The following ATG13 variants were observed in gnomAD, a reference collection of about 807,000 sequenced individuals.
ATG13 encodes autophagy-related protein 13.
ATG13 carries 23 observed loss-of-function variants against 65.5 expected under a neutral mutation model. That is an observed-to-expected ratio of 0.35 (90% CI 0.25 to 0.50). The LOEUF is 0.50. Among genes scored for constraint, ATG13 ranks in the 20% least tolerant of loss-of-function variants. The pLI is 0.98. For missense variants in ATG13, 566 were observed against 677.0 expected, an observed-to-expected ratio of 0.84 and a Z score of 1.82; for synonymous variants, 252 against 245.2, an observed-to-expected ratio of 1.03 and a Z score of -0.26.
intron 5 of ATG13, among the ~76,000 whole-genome samples, chr11:46,647,817 C>A (rs961366085): frequency 1.3e-5 from 2 of 149,722 alleles, no homozygotes; most frequent in African/African-American, 4.9e-5. Flanking sequence ...CTGCTTATAG[C>A]TCACTGCAGC....
chr11:46,666,042 A>G (rs1049086324), intron 14 of ATG13, among the ~76,000 whole-genome samples: 2 of 152,070 alleles, frequency 1.3e-5, no homozygotes, highest in African/African-American at 4.8e-5. Context: ...CCTGGCTTCC[A>G]GTGATCCTCC....
rs1183207422 is a variant in ATG13, at chr11:46,672,275, G to A, written c.1596G>A (p.Leu532=). The A allele has an allele frequency of 6.2e-7, 1 of 1,614,118 alleles. No individual in the cohort carries two copies. The highest frequency in any genetic ancestry group is 2.2e-5 in the East Asian group (1 of 44,898). Residue 532 remains leucine (L), a synonymous_variant, in exon 19 of 19, where the codon CTG becomes CTA. Coordinates refer to ENST00000683050, the MANE Select transcript of ATG13 (RefSeq NM_001346311.2). ...TACAGGACTCATTACCAGAGAAGCT[G>A]GCTGTGCATGAGAAGAATGTCCGCG... ...AEDLDSLPEK[L]AVHEKNVREF...
chr11:46,650,666 C>T (rs1365484851), intron 7 of ATG13, among the ~76,000 whole-genome samples: 1 of 152,174 alleles, frequency 6.6e-6, no homozygotes, highest in South Asian at 2.1e-4. Context: ...AGTGCAATGG[C>T]GCGATCTTGG....
chr11:46,670,088 G>A (rs1260077992), intron 18 of ATG13, among the ~76,000 whole-genome samples: 2 of 152,188 alleles, frequency 1.3e-5, no homozygotes, highest in African/African-American at 4.8e-5. Context: ...GCCAGGAGAT[G>A]TCCCTCTTTG....
chr11:46,645,880 C>G lies in ATG13; in HGVS notation c.161C>G (p.Ala54Gly). 1 of 1,613,992 alleles carries G rather than the reference C, an allele frequency of 6.2e-7. No homozygotes were observed. Among genetic ancestry groups the G allele is most frequent in the South Asian group, 1.1e-5 (1 of 91,058 alleles). ...CCTTTTGTTTTCCAGTTCAACTTAG[C>G]AATCAAAGACATCCCAGAGGTTACA... ...SPTGSDWFNL[A>G]IKDIPEVTHE... The change falls in exon 5 of 19, where the codon GCA (alanine) becomes GGA (glycine). Residue 54 changes from alanine (A) to glycine (G), a missense_variant. This residue lies in a region of ATG13 where 179 missense variants were observed against 267.2 expected (regional missense o/e 0.67). Coordinates refer to ENST00000683050, the MANE Select transcript of ATG13 (RefSeq NM_001346311.2).
intron 1 of ATG13, among the ~76,000 whole-genome samples, chr11:46,619,192 G>A (rs943701460): frequency 6.6e-6 from 1 of 151,940 alleles, no homozygotes; most frequent in South Asian, 2.1e-4. Context: ...AATATTCTGC[G>A]AGAGAATAGA....
chr11:46,671,620 G>C (rs1399628269), intron 18 of ATG13, among the ~76,000 whole-genome samples: 1 of 152,130 alleles, frequency 6.6e-6, no homozygotes, highest in African/African-American at 2.4e-5. Context: ...GCCTCAGGAG[G>C]CTACTCAAGC....
intron 7 of ATG13, 55 bp downstream of exon 7, chr11:46,650,372 A>G (rs2058648187): frequency 2.6e-6 from 4 of 1,560,928 alleles, no homozygotes; most frequent in South Asian, 2.3e-5. Flanking sequence ...CACTTTGTAC[A>G]TTGTCTGGCA....
chr11:46,665,887 C>G (rs994574158), intron 14 of ATG13, among the ~76,000 whole-genome samples: 7 of 145,646 alleles, frequency 4.8e-5, no homozygotes, highest in African/African-American at 1.8e-4. Context: ...TTATTGCAAC[C>G]TCCACCTCCT....
At chr11:46,671,703 C>T (rs1341650270) in intron 18 of ATG13, among the ~76,000 whole-genome samples, 1 of 152,166 alleles carries the variant, frequency 6.6e-6, no homozygotes, top group Non-Finnish European at 1.5e-5. Flanking sequence ...GATCACACCA[C>T]AGCACTCCAG....
chr11:46,667,774 G>A lies in ATG13; in HGVS notation c.1138G>A (p.Glu380Lys), dbSNP rs763903419. The part of the protein sequence containing the change: ...THCAATPSSS[E>K]DTETVSNSSE... ...ACTAACTTCACCTTTCTCCTCCAGT[G>A]AGGATACTGAAACCGTATCAAACAG... Residue 380 changes from glutamate to lysine, a missense_variant and splice_region_variant, in exon 15 of 19, where the codon GAG becomes AAG. Transcript: ENST00000683050. 3.1e-6 allele frequency: 5 copies of A among 1,596,498 alleles called. No homozygotes were observed. Among genetic ancestry groups the A allele is most frequent in the Non-Finnish European group, 3.4e-6 (4 of 1,165,236 alleles).
chr11:46,667,934 AG>A, intron 15 of ATG13, 47 bp downstream of exon 15: 1 of 1,470,490 alleles, frequency 6.8e-7, no homozygotes, highest in Non-Finnish European at 9.5e-7. Flanking sequence ...GAGTTCTTAG[AG>A]TAAGGCCCCA....
intron 2 of ATG13, among the ~76,000 whole-genome samples, chr11:46,635,739 C>T (rs570326775): frequency 6.6e-6 from 1 of 152,240 alleles, no homozygotes; most frequent in Non-Finnish European, 1.5e-5. Flanking sequence ...TGGGAGATAA[C>T]TTTTTCCCTA....
At position 46,669,505 on chromosome 11, in the gene ATG13, T is replaced by G. The variant is rs763837291; in HGVS notation, c.1548T>G (p.Ile516Met). The G allele has an allele frequency of 5.0e-6, 8 of 1,614,004 alleles. No individual in the cohort carries two copies. Among genetic ancestry groups the G allele is most frequent in the Non-Finnish European group, 5.9e-6 (7 of 1,179,994 alleles). Residue 516 changes from isoleucine (I) to methionine (M), a missense_variant, in exon 18 of 19, where the codon ATT (isoleucine) becomes ATG (methionine). Ile to Met is a conservative substitution (Grantham distance 10). Transcript: ENST00000683050. The part of the protein sequence containing the change: ...PPQLSSLSID[I>M]GAQSMAEDLD... ...AGCTGAGCAGCCTCTCCATAGATAT[T>G]GGAGCACAGTCCATGGCTGAAGACT...
At chr11:46,643,776 G>T (rs1189889625) in intron 2 of ATG13, among the ~76,000 whole-genome samples, 1 of 152,004 alleles carries the variant, frequency 6.6e-6, no homozygotes, top group Non-Finnish European at 1.5e-5. Context: ...TTCATGGTGT[G>T]TTTCATGAAA....
chr11:46,666,947 A>G (rs1257189583), intron 14 of ATG13, among the ~76,000 whole-genome samples: 1 of 152,174 alleles, frequency 6.6e-6, no homozygotes, highest in East Asian at 1.9e-4. Flanking sequence ...ATCAGGAAAA[A>G]TAATTTATGT....
Position 46,654,283 on chromosome 11 carries a change from T to TATATATATATATA in ATG13, c.459-1950_459-1949insATATATATATATA, listed in dbSNP as rs1555105175. Among the ~76,000 whole-genome samples, 56 of 122,314 alleles carry TATATATATATATA rather than the reference T, an allele frequency of 4.6e-4. 2 individuals are homozygous for TATATATATATATA. Among genetic ancestry groups the TATATATATATATA allele is most frequent in the African/African-American group, 8.9e-4 (26 of 29,172 alleles). 80.2% of individuals were successfully genotyped at this position (122,314 alleles called of 152,430 possible). A position where few individuals can be genotyped will look rare whatever the true frequency, so the allele number is the denominator to read the frequency against. On this transcript the variant is annotated intron_variant, in intron 7 of 18. Transcript: ENST00000683050. ...CCTCATCACTACTATTTTTAAAATT[T>TATATATATATATA]TATATATATATATATATATATATAT...
chr11:46,628,476 A>C lies in ATG13; in HGVS notation c.-69-1569A>C, dbSNP rs565968415. ...TTGTCAGCAAATAGTTTTTTTTTTT[A>C]ATTACAGGTAAAACATTCTATTATT... On this transcript the variant is annotated intron_variant, in intron 1 of 18. Coordinates refer to ENST00000683050, the MANE Select transcript of ATG13 (RefSeq NM_001346311.2). Among the ~76,000 whole-genome samples the C allele has an allele frequency of 1.5e-4, 23 of 151,780 alleles. No individual in the cohort carries two copies. The East Asian group carries it at 2.5e-3, about 17-fold the overall frequency.
intron 10 of ATG13, among the ~76,000 whole-genome samples, chr11:46,658,455 G>C (rs2060466299): frequency 2.0e-5 from 3 of 152,106 alleles, no homozygotes; most frequent in African/African-American, 7.2e-5. Context: ...CGGCACTTTG[G>C]GAAGCTGAGA....
Sources: allele counts gnomAD v4.1 joint callset (sites outside exome capture counted in the v4.1 genomes callset), GRCh38; gene constraint gnomAD v4.1.1; regional missense constraint gnomAD v4.1.1; transcripts MANE v1.5; gene names NCBI Gene and HGNC (gene_info 2026-07-23, HGNC 2026-07-21).